The following ZHX2 variants were observed in gnomAD, a reference collection of about 807,000 sequenced individuals.
ZHX2 encodes zinc fingers and homeoboxes 2, also known as zinc fingers and homeoboxes protein 2.
In ZHX2, 6 loss-of-function variants were observed where a neutral mutation model predicts 21.9. That is an observed-to-expected ratio of 0.27 (90% CI 0.15 to 0.54). ZHX2 has a LOEUF of 0.54. ZHX2 is among the 20% of genes least tolerant of loss of function. The pLI is 0.95. For synonymous variants in ZHX2, 434 were observed against 437.1 expected (o/e 0.99, Z 0.09); for missense variants, 908 against 1,090.7 (o/e 0.83, Z 2.36).
At chr8:122,878,867 G>A (rs1040937874) in intron 2 of ZHX2, among the ~76,000 whole-genome samples, 1 of 152,162 alleles carries the variant, frequency 6.6e-6, no homozygotes, top group Non-Finnish European at 1.5e-5. Context: ...TAAGAACCAT[G>A]AGGTGAACTT....
At chr8:122,892,858 G>A (rs974848405) in intron 2 of ZHX2, among the ~76,000 whole-genome samples, 1 of 152,038 alleles carries the variant, frequency 6.6e-6, no homozygotes, top group East Asian at 1.9e-4. Context: ...CTAATTTTTT[G>A]TATTTTTAGT....
intron 3 of ZHX2, among the ~76,000 whole-genome samples, chr8:122,966,960 A>G (rs573834115): frequency 6.6e-6 from 1 of 152,128 alleles, no homozygotes; most frequent in Admixed American, 6.5e-5. Context: ...TTTCCAGTGT[A>G]TTTTGCATTT....
At chr8:122,912,451 G>A (rs1477025013) in intron 2 of ZHX2, among the ~76,000 whole-genome samples, 1 of 152,160 alleles carries the variant, frequency 6.6e-6, no homozygotes, top group African/African-American at 2.4e-5. Flanking sequence ...CTCCAAGATG[G>A]ACATGTAATA....
At chr8:122,943,278 TAAA>T (rs1812891227) in intron 2 of ZHX2, among the ~76,000 whole-genome samples, 1 of 151,472 alleles carries the variant, frequency 6.6e-6, no homozygotes, top group Non-Finnish European at 1.5e-5. Flanking sequence ...AAAATAAAAA[TAAA>T]AAATAAAATG....
chr8:122,922,188 G>A (rs1013493416), intron 2 of ZHX2, among the ~76,000 whole-genome samples: 3 of 151,194 alleles, frequency 2.0e-5, no homozygotes, highest in Non-Finnish European at 4.4e-5. Flanking sequence ...CTCCTCCTGG[G>A]TCTTTCTTAG....
intron 2 of ZHX2, among the ~76,000 whole-genome samples, chr8:122,930,400 C>T (rs1820955346): frequency 6.6e-6 from 1 of 152,224 alleles, no homozygotes; most frequent in African/African-American, 2.4e-5. Flanking sequence ...ACAGCCCCCA[C>T]AGGTTCTTTC....
chr8:122,833,457 G>C (rs980071433), intron 1 of ZHX2, among the ~76,000 whole-genome samples: 2 of 152,148 alleles, frequency 1.3e-5, no homozygotes, highest in Admixed American at 6.5e-5. Flanking sequence ...GCGGACGGGG[G>C]TGTGGTGTTC....
At chr8:122,966,954 C>A (rs1479870233) in intron 3 of ZHX2, among the ~76,000 whole-genome samples, 1 of 152,206 alleles carries the variant, frequency 6.6e-6, no homozygotes, top group East Asian at 1.9e-4. Context: ...TAAAACTTTC[C>A]AGTGTATTTT....
In ZHX2 at chr8:122,825,991, C is replaced by G. The variant is rs192514610; in HGVS notation, c.-282-37486C>G. ...ACTTACCAGGGGCAGGACTTGGGCT[C>G]TGCTCAGAAAAGAAGCCCATTATTC... On this transcript the variant is annotated intron_variant, in intron 1 of 3. Coordinates refer to ENST00000314393, the MANE Select transcript of ZHX2 (RefSeq NM_014943.5). Among the ~76,000 whole-genome samples the G allele has an allele frequency of 1.1e-4, 17 of 152,332 alleles. No individual in the cohort carries two copies. In the East Asian group the frequency reaches 3.3e-3, roughly 29 times the overall value.
At position 122,953,736 on chromosome 8, in the gene ZHX2, G is replaced by C; in HGVS notation, c.2226G>C (p.Leu742Phe). The C allele has an allele frequency of 6.2e-7, 1 of 1,614,252 alleles. No homozygotes were observed. The highest frequency in any genetic ancestry group is 8.5e-7 in the Non-Finnish European group (1 of 1,180,052). ...KDPKKLCEED[L>F]EKLVTRVKVG... The stretch of plus-strand genomic sequence containing the variant: ...CCAAAAAGCTCTGCGAAGAGGACTT[G>C]GAGAAGTTGGTGACCAGGGTAAAAG... The change falls in exon 3 of 4, where the codon TTG (leucine) becomes TTC (phenylalanine). Residue 742 changes from leucine to phenylalanine, a missense_variant. By Grantham distance (22) the Leu-to-Phe change is conservative. Around this residue, in one of 4 missense-constraint regions of ZHX2, gnomAD observed 431 missense variants for 428.6 expected, o/e 1.01. Coordinates refer to ENST00000314393, the MANE Select transcript of ZHX2 (RefSeq NM_014943.5). The surrounding 1 kb of genome is among the most constrained non-coding windows in gnomAD (Gnocchi z 4.6).
chr8:122,838,266 A>C (rs554480181), intron 1 of ZHX2, among the ~76,000 whole-genome samples: 4 of 152,360 alleles, frequency 2.6e-5, no homozygotes, highest in African/African-American at 7.2e-5. Flanking sequence ...ATGGTATTAC[A>C]TCAAGTCACC....
intron 3 of ZHX2, among the ~76,000 whole-genome samples, chr8:122,970,342 A>G (rs996137827): frequency 2.6e-5 from 4 of 152,162 alleles, no homozygotes; most frequent in Non-Finnish European, 5.9e-5. Flanking sequence ...TCCATTTTCC[A>G]TTCATTGACA....
At chr8:122,876,862 A>C (rs1819586687) in intron 2 of ZHX2, among the ~76,000 whole-genome samples, 1 of 152,226 alleles carries the variant, frequency 6.6e-6, no homozygotes, top group Admixed American at 6.5e-5. Context: ...TGTCCCACCC[A>C]GTCAATTCAG....
chr8:122,952,153 A>G lies in ZHX2; in HGVS notation c.643A>G (p.Thr215Ala). The G allele has an allele frequency of 6.2e-7, 1 of 1,613,232 alleles. No homozygotes were observed. The highest frequency in any genetic ancestry group is 8.5e-7 in the Non-Finnish European group (1 of 1,179,804). ...EITPENHVEG[T>A]ARLVTDTAEI... Reference sequence around the variant, plus strand: ...CACCCCCGAGAACCACGTGGAAGGGACCGCCCGCCTGGTGACAGACACAGC... The same window carrying G: ...CACCCCCGAGAACCACGTGGAAGGGGCCGCCCGCCTGGTGACAGACACAGC... The change falls in exon 3 of 4, where the codon ACC becomes GCC. Residue 215 changes from threonine to alanine, a missense_variant. Transcript: ENST00000314393. This position sits in a 1 kb window ranked among gnomAD's most constrained non-coding sequence, Gnocchi z 6.9.
chr8:122,785,735 G>A (rs568623226), intron 1 of ZHX2, among the ~76,000 whole-genome samples: 10 of 152,176 alleles, frequency 6.6e-5, no homozygotes, highest in African/African-American at 1.4e-4. Context: ...GGCATGTGCC[G>A]CCTGAGAAAG....
chr8:122,850,639 C>CA (rs60682747), intron 1 of ZHX2, among the ~76,000 whole-genome samples: 7,015 of 114,064 alleles, frequency 0.062, 640 homozygotes, highest in African/African-American at 0.2. Context: ...GACTCTGTCT[C>CA]AAAAAAAAAA....
chr8:122,925,936 G>T (rs554852743), intron 2 of ZHX2, among the ~76,000 whole-genome samples: 2 of 148,610 alleles, frequency 1.3e-5, no homozygotes, highest in South Asian at 2.2e-4. Flanking sequence ...GGGACAGAGT[G>T]GGGGGGCACA....
At chr8:122,923,016 C>T (rs1820774642) in intron 2 of ZHX2, among the ~76,000 whole-genome samples, 2 of 152,194 alleles carry the variant, frequency 1.3e-5, no homozygotes, top group African/African-American at 2.4e-5. Context: ...GTGGACTCCA[C>T]CTCAACCTGA....
intron 2 of ZHX2, among the ~76,000 whole-genome samples, chr8:122,925,329 T>C (rs1404272534): frequency 6.6e-6 from 1 of 152,184 alleles, no homozygotes; most frequent in Admixed American, 6.5e-5. Flanking sequence ...TGATGGTGTG[T>C]GATTGATCTT....
Sources: gnomAD v4.1 joint callset for allele counts (sites outside exome capture counted in the v4.1 genomes callset) on GRCh38, gnomAD v4.1.1 for gene constraint, gnomAD v4.1.1 regional missense constraint, Gnocchi (gnomAD v3.1) non-coding constraint, MANE v1.5 for transcripts, NCBI Gene and HGNC (gene_info 2026-07-23, HGNC 2026-07-21) for gene names.